FSTL5: variants seen among roughly 807,000 people sequenced by gnomAD.
FSTL5 encodes the protein follistatin-related protein 5.
A neutral mutation model predicts 89.1 loss-of-function variants in FSTL5; 62 were observed. The ratio of observed to expected loss-of-function variants is 0.70; its 90% CI spans 0.57 to 0.86. The LOEUF is 0.86. Ranked by LOEUF, FSTL5 falls within the 40% of genes least tolerant of loss-of-function variation. The pLI, the probability that FSTL5 is intolerant of heterozygous loss-of-function variation, is 0.00. For synonymous variants in FSTL5, 383 were observed against 346.2 expected, an observed-to-expected ratio of 1.11 and a Z score of -1.18; for missense variants, 1,057 against 1,001.6, an observed-to-expected ratio of 1.06 and a Z score of -0.75.
At chr4:161,785,805 G>A (rs1314786689) in intron 4 of FSTL5, among the ~76,000 whole-genome samples, 1 of 152,072 alleles carries the variant, frequency 6.6e-6, no homozygotes, top group Non-Finnish European at 1.5e-5. Context: ...CTTTTGGCCA[G>A]TTTGGTGTTA....
intron 4 of FSTL5, among the ~76,000 whole-genome samples, chr4:161,793,772 C>T (rs1403357193): frequency 6.6e-6 from 1 of 151,912 alleles, no homozygotes; most frequent in African/African-American, 2.4e-5. Flanking sequence ...CTGTGCCTGG[C>T]TAATTTTTGT....
At chr4:161,800,749 T>TA (rs1008844525) in intron 4 of FSTL5, among the ~76,000 whole-genome samples, 28 of 151,554 alleles carry the variant, frequency 1.8e-4, no homozygotes, top group Non-Finnish European at 2.8e-4. Flanking sequence ...CTTGTTACCT[T>TA]AAAAAATGTG....
intron 4 of FSTL5, among the ~76,000 whole-genome samples, chr4:161,795,430 C>T (rs966100738): frequency 3.9e-5 from 6 of 152,058 alleles, no homozygotes; most frequent in Non-Finnish European, 8.8e-5. Flanking sequence ...CCCGGAAGAA[C>T]CCTACTGTTT....
chr4:161,788,027 C>T (rs1164495115), intron 4 of FSTL5, among the ~76,000 whole-genome samples: 5 of 152,002 alleles, frequency 3.3e-5, no homozygotes, highest in Non-Finnish European at 7.4e-5. Context: ...TAATTTTCAC[C>T]TTGTGCATAA....
chr4:161,524,905 C>T (rs1219700699), intron 10 of FSTL5, among the ~76,000 whole-genome samples: 1 of 151,332 alleles, frequency 6.6e-6, no homozygotes, highest in Non-Finnish European at 1.5e-5. Flanking sequence ...TTGCAGTAAG[C>T]TGAGATCACG....
At chr4:161,836,791 CA>C (rs1453464145) in intron 4 of FSTL5, among the ~76,000 whole-genome samples, 2 of 151,184 alleles carry the variant, frequency 1.3e-5, no homozygotes, top group Non-Finnish European at 2.9e-5. Flanking sequence ...AATGGAGATG[CA>C]AAAAAGGAGA....
intron 6 of FSTL5, among the ~76,000 whole-genome samples, chr4:161,685,073 TTAC>T (rs1375827524): frequency 2.6e-5 from 4 of 152,194 alleles, no homozygotes; most frequent in African/African-American, 9.6e-5. Flanking sequence ...TTTGGGTTTA[TTAC>T]TGGGTTCTTT....
intron 3 of FSTL5, among the ~76,000 whole-genome samples, chr4:161,973,763 A>C (rs1735552251): frequency 6.6e-6 from 1 of 152,182 alleles, no homozygotes; most frequent in Non-Finnish European, 1.5e-5. Flanking sequence ...AATAAGACCC[A>C]GCTTCTACTA....
intron 8 of FSTL5, among the ~76,000 whole-genome samples, chr4:161,587,174 T>A (rs543741792): frequency 1.1e-4 from 16 of 152,084 alleles, no homozygotes; most frequent in Non-Finnish European, 2.2e-4. Context: ...ATTGTTAATA[T>A]TCTAAACGAA....
chr4:161,909,288 C>A (rs894152156), intron 4 of FSTL5, among the ~76,000 whole-genome samples: 1 of 152,044 alleles, frequency 6.6e-6, no homozygotes, highest in Non-Finnish European at 1.5e-5. Flanking sequence ...AATACTGCAT[C>A]TATGAGAGAT....
chr4:162,030,387 A>T (rs1200926989), intron 3 of FSTL5, among the ~76,000 whole-genome samples: 2 of 152,196 alleles, frequency 1.3e-5, no homozygotes, highest in Non-Finnish European at 2.9e-5. Flanking sequence ...ATTAAAATAC[A>T]TTATATGGAA....
chr4:161,991,939 A>G (rs1736124021), intron 3 of FSTL5, among the ~76,000 whole-genome samples: 1 of 152,204 alleles, frequency 6.6e-6, no homozygotes, highest in African/African-American at 2.4e-5. Flanking sequence ...AACCATGCTG[A>G]CAACTGGGCA....
intron 10 of FSTL5, among the ~76,000 whole-genome samples, chr4:161,519,867 C>A: frequency 6.6e-6 from 1 of 151,908 alleles, no homozygotes. Flanking sequence ...TTTAACTTCC[C>A]CATTTAGAAA....
intron 3 of FSTL5, among the ~76,000 whole-genome samples, chr4:161,938,662 G>A (rs912361189): frequency 7.2e-5 from 11 of 151,922 alleles, no homozygotes; most frequent in Non-Finnish European, 2.9e-5. Flanking sequence ...GTCAAATAAT[G>A]CATAGTTTAT....
intron 2 of FSTL5, among the ~76,000 whole-genome samples, chr4:162,052,459 A>G (rs1738409462): frequency 6.6e-6 from 1 of 151,802 alleles, no homozygotes; most frequent in East Asian, 1.9e-4. Context: ...AAAATATAAA[A>G]TAGCAAAATA....
intron 3 of FSTL5, among the ~76,000 whole-genome samples, chr4:161,961,654 C>T (rs1024689732): frequency 3.3e-5 from 5 of 151,630 alleles, no homozygotes; most frequent in South Asian, 2.1e-4. Flanking sequence ...TAGACATTCT[C>T]CATTTAATCC....
chr4:161,686,026 T>C (rs1737698084), intron 6 of FSTL5, among the ~76,000 whole-genome samples: 1 of 152,010 alleles, frequency 6.6e-6, no homozygotes, highest in Non-Finnish European at 1.5e-5. Flanking sequence ...TGTAATTTTT[T>C]TTTTAGTCTG....
At chr4:161,563,952 AAAG>A (rs965084588) in intron 8 of FSTL5, among the ~76,000 whole-genome samples, 1 of 151,972 alleles carries the variant, frequency 6.6e-6, no homozygotes, top group Non-Finnish European at 1.5e-5. Flanking sequence ...AGGGTGCTAA[AAAG>A]AAGATATGTA....
chr4:161,986,009 T>C (rs1232188728), intron 3 of FSTL5, among the ~76,000 whole-genome samples: 1 of 152,066 alleles, frequency 6.6e-6, no homozygotes, highest in East Asian at 1.9e-4. Flanking sequence ...ATACACTATA[T>C]AAAAATTCCA....
Sources: gnomAD v4.1 joint callset for allele counts (sites outside exome capture counted in the v4.1 genomes callset) on GRCh38, gnomAD v4.1.1 for gene constraint, MANE v1.5 for transcripts, NCBI Gene and HGNC (gene_info 2026-07-23, HGNC 2026-07-21) for gene names.